The following MORN3 variants were observed in gnomAD, a reference collection of about 807,000 sequenced individuals.
MORN3 encodes MORN repeat-containing protein 3.
In MORN3, 38 loss-of-function variants were observed where a neutral mutation model predicts 34.7. The ratio of observed to expected loss-of-function variants is 1.10; its 90% CI spans 0.85 to 1.44. The LOEUF is 1.44. Ranked by LOEUF, MORN3 falls within the 40% of genes most tolerant of loss-of-function variation. The probability of loss-of-function intolerance (pLI) is 0.00; values close to 1 mark genes in which losing one functional copy is unlikely to be tolerated. For missense variants in MORN3, 311 were observed against 321.7 expected, an observed-to-expected ratio of 0.97 and a Z score of 0.25; for synonymous variants, 109 against 115.3, an observed-to-expected ratio of 0.95 and a Z score of 0.35.
chr12:121,663,810 T>C (rs1452912967), intron 1 of MORN3, among the ~76,000 whole-genome samples: 1 of 152,098 alleles, frequency 6.6e-6, no homozygotes, highest in Non-Finnish European at 1.5e-5. Flanking sequence ...TTTGTTATTA[T>C]TTTTGCCCTT....
chr12:121,668,024 C>T (rs1051882324), intron 1 of MORN3, among the ~76,000 whole-genome samples: 3 of 151,452 alleles, frequency 2.0e-5, no homozygotes, highest in African/African-American at 4.8e-5. Context: ...CGCCCAGCCC[C>T]ACCTGGCCCA....
chr12:121,671,037 G>A (rs2136890974), upstream of MORN3, among the ~76,000 whole-genome samples: 1 of 150,880 alleles, frequency 6.6e-6, no homozygotes, highest in East Asian at 2.0e-4. Context: ...CTTGAACCAG[G>A]GAGGAGAAGG....
chr12:121,659,104 G>C, intron 2 of MORN3, 87 bp downstream of exon 2: 1 of 1,514,316 alleles, frequency 6.6e-7, no homozygotes, highest in Non-Finnish European at 8.9e-7. Flanking sequence ...TTTCTCCCAG[G>C]CCTCTCTCGG....
At chr12:121,671,738 G>A (rs1330129082), upstream of MORN3, among the ~76,000 whole-genome samples, 3 of 151,936 alleles carry the variant, frequency 2.0e-5, no homozygotes, top group Non-Finnish European at 4.4e-5. Context: ...AAATTAGCCG[G>A]GCGTGGTTGA....
chr12:121,670,333 T>C (rs1893921114), upstream of MORN3, among the ~76,000 whole-genome samples: 2 of 152,204 alleles, frequency 1.3e-5, no homozygotes, highest in Non-Finnish European at 2.9e-5. Context: ...GGATTTTTTC[T>C]TCTCCCATTT....
rs1555324823 is a variant in MORN3 at position 121,649,846 on chromosome 12, T to C, written c.*1805A>G. ...GCCTCAGCCTCCCAAGTAGTTGGGA[T>C]TACAGGTGCTGAATTCTTTTTTTTT... On this transcript the variant is annotated 3_prime_UTR_variant, in exon 6 of 6. Coordinates refer to ENST00000355329, the MANE Select transcript of MORN3 (RefSeq NM_173855.5). The C allele has an allele frequency of 6.6e-6, 1 of 150,648 alleles. No individual in the cohort carries two copies. Among genetic ancestry groups the C allele is most frequent in the African/African-American group, 2.4e-5 (1 of 40,846 alleles). 9.3% of individuals were successfully genotyped at this position (150,648 alleles called of 1,614,324 possible). A position where few individuals can be genotyped will look rare whatever the true frequency, so the allele number is the denominator to read the frequency against.
At chr12:121,661,103 A>G (rs1422534382) in intron 1 of MORN3, among the ~76,000 whole-genome samples, 3 of 152,056 alleles carry the variant, frequency 2.0e-5, no homozygotes, top group Non-Finnish European at 4.4e-5. Context: ...CCACAGGTGC[A>G]TGCCACTACA....
chr12:121,649,606 C>A lies in MORN3; in HGVS notation c.*2045G>T, dbSNP rs1329019461. ...CTTATGACTTAGGGGGCAGAGAGAACCTCAGTAAGGTCAGTGGTGTTTATT... is the reference window on the plus strand; with the variant it reads ...CTTATGACTTAGGGGGCAGAGAGAAACTCAGTAAGGTCAGTGGTGTTTATT... On this transcript the variant is annotated 3_prime_UTR_variant, in exon 6 of 6. Transcript: ENST00000355329. 6.6e-6 allele frequency: 1 copy of A among 152,120 alleles called. No homozygotes were observed. Among genetic ancestry groups the A allele is most frequent in the Non-Finnish European group, 1.5e-5 (1 of 68,044 alleles). 9.4% of individuals were successfully genotyped at this position (152,120 alleles called of 1,614,324 possible).
At chr12:121,672,331 A>G (rs950849714), upstream of MORN3, among the ~76,000 whole-genome samples, 1 of 151,754 alleles carries the variant, frequency 6.6e-6, no homozygotes, top group Non-Finnish European at 1.5e-5. Context: ...ATGGTGGCGC[A>G]GGCCTGTAGT....
intron 1 of MORN3, among the ~76,000 whole-genome samples, chr12:121,660,578 T>C (rs938552581): frequency 6.6e-6 from 1 of 151,566 alleles, no homozygotes; most frequent in Admixed American, 6.6e-5. Flanking sequence ...CTCTAACTCC[T>C]GACATCGTGA....
At chr12:121,661,912 G>A (rs1893595914) in intron 1 of MORN3, among the ~76,000 whole-genome samples, 1 of 151,376 alleles carries the variant, frequency 6.6e-6, no homozygotes, top group African/African-American at 2.4e-5. Context: ...AGGAAGGGAG[G>A]AAGGGAGGAA....
At chr12:121,666,473 C>T (rs1418373781) in intron 1 of MORN3, among the ~76,000 whole-genome samples, 2 of 152,086 alleles carry the variant, frequency 1.3e-5, no homozygotes, top group African/African-American at 4.8e-5. Flanking sequence ...CACTGCACTC[C>T]ATCCTGGGCG....
At chr12:121,672,197 G>T (rs1029353625), upstream of MORN3, among the ~76,000 whole-genome samples, 1 of 151,964 alleles carries the variant, frequency 6.6e-6, no homozygotes, top group African/African-American at 2.4e-5. Flanking sequence ...GGGGGCTGCC[G>T]CCTGCAATCC....
At chr12:121,663,535 C>G (rs1157975130) in intron 1 of MORN3, among the ~76,000 whole-genome samples, 1 of 152,100 alleles carries the variant, frequency 6.6e-6, no homozygotes, top group Non-Finnish European at 1.5e-5. Flanking sequence ...TCTTACTACA[C>G]ATCTTAAGTA....
In MORN3 at chr12:121,659,313, T is replaced by A; in HGVS notation, c.181A>T (p.Ile61Phe). 1 of 1,613,972 alleles carries A rather than the reference T, an allele frequency of 6.2e-7. No homozygotes were observed. The highest frequency in any genetic ancestry group is 8.5e-7 in the Non-Finnish European group (1 of 1,179,996). Residue 61 changes from isoleucine (I) to phenylalanine (F), a missense_variant, in exon 2 of 6, where the codon ATC becomes TTC. By Grantham distance (21) the Ile-to-Phe change is conservative. Coordinates refer to ENST00000355329, the MANE Select transcript of MORN3 (RefSeq NM_173855.5). ...CCAAACTTCCAGTCCCCCTCATAGA[T>A]GGCTCCTTTCTTCTTCCAGACCTGT... ...GTQVWKKKGA[I>F]YEGDWKFGKR...
At position 121,654,385 on chromosome 12, in the gene MORN3, A is replaced by G; in HGVS notation, c.352T>C (p.Trp118Arg). ...CACCCGCTGCGCTGGCTGCCACACCAGTCACCCTCATAATACTCCTTGGGT... is the reference window on the plus strand; with the variant it reads ...CACCCGCTGCGCTGGCTGCCACACCGGTCACCCTCATAATACTCCTTGGGT... Reference protein sequence around the residue: ...FGPKEYYEGDWCGSQRSGWGR... With the variant: ...FGPKEYYEGDRCGSQRSGWGR... The change falls in exon 3 of 6, where the codon TGG becomes CGG. Residue 118 changes from tryptophan (W) to arginine (R), a missense_variant. Coordinates refer to ENST00000355329, the MANE Select transcript of MORN3 (RefSeq NM_173855.5). 8 of 1,601,400 alleles carry G rather than the reference A, an allele frequency of 5.0e-6. No homozygotes were observed. Among genetic ancestry groups the G allele is most frequent in the Non-Finnish European group, 6.8e-6 (8 of 1,174,404 alleles).
rs377489166 is a variant in MORN3 at position 121,658,901 on chromosome 12, A to C, written c.303+290T>G. ...AGAAAGCCAGGAAACGAGGGGGAAA[A>C]GGGTGGAGGCGACTTCGTCCCCACA... On this transcript the variant is annotated intron_variant, in intron 2 of 5. Coordinates refer to ENST00000355329, the MANE Select transcript of MORN3 (RefSeq NM_173855.5). Among the ~76,000 whole-genome samples the C allele has an allele frequency of 3.1e-4, 47 of 152,250 alleles. No individual in the cohort carries two copies. The South Asian group carries it at 5.2e-3, about 17-fold the overall frequency.
In MORN3 at chr12:121,654,269, C is replaced by G. The variant is rs1295736936; in HGVS notation, c.463+5G>C. 1.3e-6 allele frequency: 2 copies of G among 1,552,500 alleles called. No individual in the cohort carries two copies. The highest frequency in any genetic ancestry group is 1.7e-6 in the Non-Finnish European group (2 of 1,149,382). ...GGGCGGGGCCGGCGGGGGTGGGGCA[C>G]TCACTCAGGCGCAGCATGCCCTCCC... On this transcript the variant is annotated splice_donor_5th_base_variant and intron_variant, in intron 3 of 5. Coordinates refer to ENST00000355329, the MANE Select transcript of MORN3 (RefSeq NM_173855.5).
intron 2 of MORN3, among the ~76,000 whole-genome samples, chr12:121,658,422 C>T (rs1406740056): frequency 6.6e-6 from 1 of 151,818 alleles, no homozygotes; most frequent in African/African-American, 2.4e-5. Flanking sequence ...AAAAATTAGC[C>T]GGGCGTGGTG....
Sources: gnomAD v4.1 joint callset for allele counts (sites outside exome capture counted in the v4.1 genomes callset) on GRCh38, gnomAD v4.1.1 for gene constraint, MANE v1.5 for transcripts, NCBI Gene and HGNC (gene_info 2026-07-23, HGNC 2026-07-21) for gene names.